The following SLC25A36 variants were observed in gnomAD, a reference collection of about 807,000 sequenced individuals.
The protein encoded by SLC25A36 is epididymis secretory sperm binding protein.
In SLC25A36, 24 loss-of-function variants were observed where a neutral mutation model predicts 35.3. The observed-to-expected ratio is 0.68, with a 90% CI of 0.49 to 0.96. The LOEUF is 0.96. Ranked by LOEUF, SLC25A36 falls within the 40% of genes least tolerant of loss-of-function variation. SLC25A36 has a pLI of 0.00. For synonymous variants in SLC25A36, 141 were observed against 132.2 expected (o/e 1.07, Z -0.46); for missense variants, 294 against 381.1 (o/e 0.77, Z 1.90).
chr3:140,966,312 T>C, intron 4 of SLC25A36: 1 of 315,622 alleles, frequency 3.2e-6, no homozygotes, highest in Non-Finnish European at 6.4e-6. Context: ...TTTGTGTGTT[T>C]GTGTGTAAAC....
intron 5 of SLC25A36, among the ~76,000 whole-genome samples, chr3:140,972,319 T>C (rs1472605023): frequency 6.6e-6 from 1 of 152,024 alleles, no homozygotes. Context: ...GTTGGGGAAT[T>C]GGATAGGGGT....
chr3:140,968,291 G>A (rs1934814089), intron 4 of SLC25A36: 2 of 794,312 alleles, frequency 2.5e-6, no homozygotes, highest in South Asian at 1.2e-4. Context: ...AGCTAAAACT[G>A]TGGATTGTGT....
rs201667581 is a variant in SLC25A36 at position 140,952,812 on chromosome 3, G to A, written c.42-3715G>A. Among the ~76,000 whole-genome samples the A allele has an allele frequency of 7.9e-5, 12 of 152,142 alleles. No individual in the cohort carries two copies. The East Asian group carries it at 2.3e-3, about 29-fold the overall frequency. ...CTCATGTTGCTTTTTGTTTGTTTTCGTTTTAATTATAGAAGTAATTCATGT... is the reference window on the plus strand; with the variant it reads ...CTCATGTTGCTTTTTGTTTGTTTTCATTTTAATTATAGAAGTAATTCATGT... On this transcript the variant is annotated intron_variant, in intron 1 of 6. Coordinates refer to ENST00000324194, the MANE Select transcript of SLC25A36 (RefSeq NM_001104647.3).
At chr3:140,969,761 A>G (rs1031365454) in intron 4 of SLC25A36, among the ~76,000 whole-genome samples, 4 of 151,912 alleles carry the variant, frequency 2.6e-5, no homozygotes, top group Non-Finnish European at 4.4e-5. Context: ...TATTAATTTA[A>G]AAACAAATTA....
chr3:140,971,620 C>G (rs1356956914), intron 5 of SLC25A36, among the ~76,000 whole-genome samples: 1 of 152,170 alleles, frequency 6.6e-6, no homozygotes, highest in Non-Finnish European at 1.5e-5. Context: ...CCAATCGGTG[C>G]AAACCTCAGA....
At chr3:140,947,267 A>G (rs543191234) in intron 1 of SLC25A36, among the ~76,000 whole-genome samples, 14 of 152,300 alleles carry the variant, frequency 9.2e-5, no homozygotes, top group African/African-American at 3.4e-4. Flanking sequence ...ATTAGAGACA[A>G]CAAATAGACA....
At chr3:140,956,833 G>T in intron 2 of SLC25A36, 142 bp downstream of exon 2, 5 of 1,299,248 alleles carry the variant, frequency 3.8e-6, no homozygotes, top group Non-Finnish European at 4.9e-6. Context: ...TACTCATAAG[G>T]AATGATAATC....
At chr3:140,952,344 A>G (rs1358915203) in intron 1 of SLC25A36, among the ~76,000 whole-genome samples, 1 of 152,038 alleles carries the variant, frequency 6.6e-6, no homozygotes, top group Non-Finnish European at 1.5e-5. Flanking sequence ...TCAGAGACAG[A>G]GTCACTGTGT....
chr3:140,974,593 A>G (rs542070848), intron 6 of SLC25A36, among the ~76,000 whole-genome samples: 2 of 152,298 alleles, frequency 1.3e-5, no homozygotes, highest in Admixed American at 6.5e-5. Flanking sequence ...TTTAAATTTT[A>G]TAATAGCCTA....
intron 4 of SLC25A36, chr3:140,963,772 G>A (rs1188101503): frequency 6.6e-6 from 1 of 152,626 alleles, no homozygotes. Context: ...GACAGCACCT[G>A]AAATTTAGAC....
rs1935161232 is a variant in SLC25A36, at chr3:140,980,713, A to ATG, written c.*4261_*4262insGT. Among the ~76,000 whole-genome samples the ATG allele has an allele frequency of 1.1e-5, 1 of 94,408 alleles. No individual in the cohort carries two copies. The highest frequency in any genetic ancestry group is 1.6e-4 in the Admixed American group (1 of 6,122). The allele number at this position is 94,408 out of a possible 152,430, so 61.9% of individuals were successfully genotyped here. A position where few individuals can be genotyped will look rare whatever the true frequency, so the allele number is the denominator to read the frequency against. ...CCCCCTGCCCCCCCCCCCTTTTAAT[A>ATG]TATATACACGGAGCTTCACTCTTGT... is the stretch of plus-strand genomic sequence containing the variant. On this transcript the variant is annotated 3_prime_UTR_variant, in exon 7 of 7. Transcript: ENST00000324194.
rs375218109 is a variant in SLC25A36 at position 140,952,220 on chromosome 3, G to A, written c.42-4307G>A. Among the ~76,000 whole-genome samples the A allele has an allele frequency of 4.8e-4, 73 of 152,158 alleles. 2 individuals carry two copies. In the South Asian group the frequency reaches 0.015, roughly 30 times the overall value. Reference sequence around the variant, plus strand: ...ATCAGTAGAGACGGGGTTTTATCATGTTTGCCAGGCTGGGCTCGAATTCCT... The same window carrying A: ...ATCAGTAGAGACGGGGTTTTATCATATTTGCCAGGCTGGGCTCGAATTCCT... On this transcript the variant is annotated intron_variant, in intron 1 of 6. Coordinates refer to ENST00000324194, the MANE Select transcript of SLC25A36 (RefSeq NM_001104647.3).
chr3:140,951,482 C>CTTAT (rs77377657), intron 1 of SLC25A36, among the ~76,000 whole-genome samples: 1 of 152,018 alleles, frequency 6.6e-6, no homozygotes, highest in East Asian at 1.9e-4. Flanking sequence ...GTACGATTTA[C>CTTAT]TTATTTATTT....
intron 1 of SLC25A36, among the ~76,000 whole-genome samples, chr3:140,950,918 C>CTGTGTGTG (rs373375551): frequency 0.08 from 10,921 of 136,392 alleles, 456 homozygotes; most frequent in African/African-American, 0.12. Context: ...GTCTGTGTGT[C>CTGTGTGTG]TGTGTGTGTG....
intron 3 of SLC25A36, among the ~76,000 whole-genome samples, chr3:140,960,884 A>G (rs990387627): frequency 6.6e-6 from 1 of 152,214 alleles, no homozygotes; most frequent in Non-Finnish European, 1.5e-5. Flanking sequence ...AACTCTTAAA[A>G]CTAAGTCATT....
At chr3:140,971,309 G>A (rs75491037) in intron 5 of SLC25A36, among the ~76,000 whole-genome samples, 42 of 152,212 alleles carry the variant, frequency 2.8e-4, no homozygotes, top group African/African-American at 9.4e-4. Flanking sequence ...TCCTTACATG[G>A]GTACTTATAA....
chr3:140,963,437 C>T, intron 4 of SLC25A36: 1 of 427,862 alleles, frequency 2.3e-6, no homozygotes, highest in Non-Finnish European at 4.1e-6. Context: ...TGCTAGGGTA[C>T]AAGTAATATA....
intron 1 of SLC25A36, among the ~76,000 whole-genome samples, chr3:140,946,463 G>C (rs911754050): frequency 1.3e-5 from 2 of 151,074 alleles, no homozygotes; most frequent in Admixed American, 6.6e-5. Context: ...ATTGGTCTCT[G>C]CTAGACTATG....
At chr3:140,954,504 C>T (rs1422380078) in intron 1 of SLC25A36, among the ~76,000 whole-genome samples, 1 of 152,172 alleles carries the variant, frequency 6.6e-6, no homozygotes, top group Admixed American at 6.5e-5. Context: ...TAATTCCCAC[C>T]AGCAGTGTAA....
Sources: allele counts gnomAD v4.1 joint callset (sites outside exome capture counted in the v4.1 genomes callset), GRCh38; gene constraint gnomAD v4.1.1; transcripts MANE v1.5; gene names NCBI Gene and HGNC (gene_info 2026-07-23, HGNC 2026-07-21).